The following DDC variants were observed in gnomAD, a reference collection of about 807,000 sequenced individuals.
DDC encodes aromatic-L-amino-acid decarboxylase.
Under a neutral mutation model 60.0 loss-of-function variants are expected in DDC, and 43 were observed. The ratio of observed to expected loss-of-function variants is 0.72; its 90% CI spans 0.56 to 0.92. The LOEUF (loss-of-function observed/expected upper bound fraction) is 0.92. DDC is among the 40% of genes least tolerant of loss of function. The pLI is 0.00. For missense variants in DDC, 573 were observed against 620.2 expected, an observed-to-expected ratio of 0.92 and a Z score of 0.81; for synonymous variants, 232 against 234.6, an observed-to-expected ratio of 0.99 and a Z score of 0.10.
chr7:50,464,683 C>A (rs990784954), intron 13 of DDC, among the ~76,000 whole-genome samples: 3 of 152,194 alleles, frequency 2.0e-5, no homozygotes, highest in Non-Finnish European at 4.4e-5. Context: ...GGGACAATTA[C>A]AATGAACAAA....
rs752936791 is a variant in DDC at position 50,540,014 on chromosome 7, G to A, written c.216C>T (p.His72=). 28 of 1,613,344 alleles carry A rather than the reference G, an allele frequency of 1.7e-5. 1 individual carries two copies. In the Middle Eastern group the frequency reaches 6.6e-4, roughly 38 times the overall value. The change falls in exon 3 of 15, where the codon CAC becomes CAT. Residue 72 remains histidine (H), a synonymous_variant. Transcript: ENST00000444124. ...KIIMPGVTHW[H]SPYFFAYFPT... ...GGAAGTAGGCGAAGAAGTAGGGGCT[G>A]TGCCAGTGCGTCACCTGCATGGGAG...
intron 9 of DDC, among the ~76,000 whole-genome samples, chr7:50,488,976 A>G (rs1219891460): frequency 6.6e-6 from 1 of 151,856 alleles, no homozygotes; most frequent in Non-Finnish European, 1.5e-5. Context: ...TAACTTAAAG[A>G]TCTAAACTGA....
At chr7:50,541,228 C>T (rs1220929190) in intron 2 of DDC, 1 of 152,298 alleles carries the variant, frequency 6.6e-6, no homozygotes, top group African/African-American at 2.4e-5. Flanking sequence ...CACCCCTGGA[C>T]TGCAAGTCCA....
At chr7:50,547,699 C>T (rs1051530586) in intron 1 of DDC, among the ~76,000 whole-genome samples, 2 of 152,178 alleles carry the variant, frequency 1.3e-5, no homozygotes, top group Non-Finnish European at 2.9e-5. Flanking sequence ...GAAAGGACTG[C>T]GAGTCACACC....
At chr7:50,466,008 G>A (rs1373385982) in intron 13 of DDC, among the ~76,000 whole-genome samples, 7 of 152,188 alleles carry the variant, frequency 4.6e-5, no homozygotes, top group African/African-American at 1.4e-4. Context: ...CACGGCTGCA[G>A]CTCCTCCTCG....
chr7:50,542,043 G>A (rs1317195286), intron 2 of DDC, among the ~76,000 whole-genome samples: 1 of 152,114 alleles, frequency 6.6e-6, no homozygotes, highest in African/African-American at 2.4e-5. Flanking sequence ...CTGAGAGGCC[G>A]AGAGGAGCTG....
rs764207146 is a variant in DDC at position 50,529,251 on chromosome 7, T to C, written c.527A>G (p.Gln176Arg). ...RLQAASPELT[Q>R]AAIMEKLVAY... ...CACCAGCTTCTCCATGATAGCGGCCTGTGTGAGCTCTGGGGACGCTGCCTG... is the reference window on the plus strand; with the variant it reads ...CACCAGCTTCTCCATGATAGCGGCCCGTGTGAGCTCTGGGGACGCTGCCTG... Residue 176 changes from glutamine to arginine, a missense_variant, in exon 5 of 15, where the codon CAG (glutamine) becomes CGG (arginine). Coordinates refer to ENST00000444124, the MANE Select transcript of DDC (RefSeq NM_001082971.2). 1.7e-5 allele frequency: 28 copies of C among 1,613,856 alleles called. No homozygotes were observed. Among genetic ancestry groups the C allele is most frequent in the Non-Finnish European group, 2.3e-5 (27 of 1,180,046 alleles).
At chr7:50,483,685 G>A (rs1403771278) in intron 9 of DDC, among the ~76,000 whole-genome samples, 2 of 151,994 alleles carry the variant, frequency 1.3e-5, no homozygotes, top group East Asian at 1.9e-4. Context: ...GGAGGATCAC[G>A]AGGTCAGGAG....
At chr7:50,474,654 C>T (rs1170796445) in intron 11 of DDC, among the ~76,000 whole-genome samples, 1 of 152,196 alleles carries the variant, frequency 6.6e-6, no homozygotes, top group Non-Finnish European at 1.5e-5. Flanking sequence ...CATAAGCCAG[C>T]ATTGCTGGGG....
chr7:50,545,386 A>G (rs2044767956), intron 1 of DDC, among the ~76,000 whole-genome samples: 1 of 152,260 alleles, frequency 6.6e-6, no homozygotes, highest in Non-Finnish European at 1.5e-5. Context: ...CAGGACAGTG[A>G]ACAACACAAA....
chr7:50,498,202 C>T (rs942922393), intron 8 of DDC, among the ~76,000 whole-genome samples: 8 of 152,228 alleles, frequency 5.3e-5, no homozygotes, highest in African/African-American at 7.2e-5. Flanking sequence ...ATATCTAACT[C>T]GCCCAAGGGT....
At chr7:50,508,949 A>G (rs1198188458) in intron 6 of DDC, among the ~76,000 whole-genome samples, 2 of 152,172 alleles carry the variant, frequency 1.3e-5, no homozygotes, top group African/African-American at 2.4e-5. Flanking sequence ...CAAGAAAGGC[A>G]CCATGCCCAG....
intron 1 of DDC, among the ~76,000 whole-genome samples, chr7:50,550,906 T>C (rs10499695): frequency 0.48 from 72,801 of 152,068 alleles, 17,709 homozygotes; most frequent in Admixed American, 0.56. Context: ...TGAAGAACTT[T>C]GTGTAACAAC....
intron 6 of DDC, 30 bp downstream of exon 6, chr7:50,528,107 G>A: frequency 1.2e-6 from 2 of 1,611,056 alleles, no homozygotes; most frequent in South Asian, 1.1e-5. Flanking sequence ...CACCTTATTG[G>A]CCAGGAGCCA....
intron 6 of DDC, among the ~76,000 whole-genome samples, chr7:50,522,007 T>C (rs910463522): frequency 6.6e-6 from 1 of 152,148 alleles, no homozygotes; most frequent in African/African-American, 2.4e-5. Flanking sequence ...GCAGATGACA[T>C]GGTTATCTGT....
chr7:50,522,109 T>C (rs147928618), intron 6 of DDC, among the ~76,000 whole-genome samples: 7 of 151,446 alleles, frequency 4.6e-5, no homozygotes, highest in African/African-American at 1.7e-4. Flanking sequence ...TAATATTAGA[T>C]AAAAGTTAAT....
chr7:50,524,006 T>C (rs2043969715), intron 6 of DDC, among the ~76,000 whole-genome samples: 1 of 152,158 alleles, frequency 6.6e-6, no homozygotes, highest in African/African-American at 2.4e-5. Context: ...AATAAACTAG[T>C]ACAAAAAGAC....
intron 8 of DDC, among the ~76,000 whole-genome samples, chr7:50,498,471 C>A (rs1214250035): frequency 6.6e-6 from 1 of 152,224 alleles, no homozygotes; most frequent in Non-Finnish European, 1.5e-5. Context: ...GACTTCCTAC[C>A]CTATGAGCCA....
intron 5 of DDC, among the ~76,000 whole-genome samples, chr7:50,528,729 C>T (rs2044110959): frequency 6.6e-6 from 1 of 152,086 alleles, no homozygotes; most frequent in African/African-American, 2.4e-5. Context: ...CAGGAGGCAT[C>T]ACCACTGTGG....
Sources: allele counts gnomAD v4.1 joint callset (sites outside exome capture counted in the v4.1 genomes callset), GRCh38; gene constraint gnomAD v4.1.1; transcripts MANE v1.5; gene names NCBI Gene and HGNC (gene_info 2026-07-23, HGNC 2026-07-21).